The following JKAMP variants were observed in gnomAD, a reference collection of about 807,000 sequenced individuals.
JKAMP encodes JNK1/MAPK8-associated membrane protein.
JKAMP carries 20 observed loss-of-function variants against 40.2 expected under a neutral mutation model. The ratio of observed to expected loss-of-function variants is 0.50; its 90% CI spans 0.35 to 0.72. The LOEUF is 0.72. Among genes scored for constraint, JKAMP ranks in the 30% least tolerant of loss-of-function variants. The pLI, the probability that JKAMP is intolerant of heterozygous loss-of-function variation, is 0.01. For synonymous variants in JKAMP, 138 were observed against 131.6 expected (o/e 1.05, Z -0.33); for missense variants, 276 against 373.0 (o/e 0.74, Z 2.14).
chr14:59,489,105 G>A (rs1227063840), intron 3 of JKAMP, among the ~76,000 whole-genome samples: 1 of 152,220 alleles, frequency 6.6e-6, no homozygotes, highest in Non-Finnish European at 1.5e-5. Flanking sequence ...CAGCCTGGTT[G>A]AATTCCTCTC....
At chr14:59,503,649 C>T (rs190950111) in intron 6 of JKAMP, among the ~76,000 whole-genome samples, 1 of 152,264 alleles carries the variant, frequency 6.6e-6, no homozygotes, top group African/African-American at 2.4e-5. Context: ...CTACTGAGTG[C>T]TTATATGACC....
At chr14:59,495,353 C>T in intron 4 of JKAMP, 129 bp downstream of exon 4, 3 of 637,474 alleles carry the variant, frequency 4.7e-6, no homozygotes, top group Non-Finnish European at 8.3e-6. Context: ...GGCTTTATTA[C>T]CTTGAACATG....
chr14:59,492,291 T>C (rs1270807585), intron 3 of JKAMP, among the ~76,000 whole-genome samples: 1 of 151,934 alleles, frequency 6.6e-6, no homozygotes, highest in African/African-American at 2.4e-5. Flanking sequence ...CAGTTGAAGA[T>C]AGAATTAGTG....
intron 5 of JKAMP, among the ~76,000 whole-genome samples, chr14:59,499,330 T>C (rs1369446196): frequency 6.6e-6 from 1 of 152,166 alleles, no homozygotes; most frequent in African/African-American, 2.4e-5. Flanking sequence ...AATCTAAGTA[T>C]GTAATAAGAA....
At chr14:59,487,535 C>T in intron 2 of JKAMP, 139 bp from the exon 3 acceptor site, 2 of 608,638 alleles carry the variant, frequency 3.3e-6, no homozygotes, top group Non-Finnish European at 5.7e-6. Flanking sequence ...TTACTTATGC[C>T]CTCTTTTTTA....
chr14:59,496,744 C>T (rs1380829140), intron 4 of JKAMP, among the ~76,000 whole-genome samples: 1 of 152,174 alleles, frequency 6.6e-6, no homozygotes, highest in Non-Finnish European at 1.5e-5. Context: ...TTTGTCTATT[C>T]ACTATCCCTG....
chr14:59,485,012 G>A, intron 1 of JKAMP: 1 of 1,597,134 alleles, frequency 6.3e-7, no homozygotes, highest in East Asian at 2.2e-5. Flanking sequence ...CGTCACAAAG[G>A]GCAGGACCGC....
At chr14:59,501,020 C>T in intron 5 of JKAMP, 171 bp from the exon 6 acceptor site, 1 of 560,498 alleles carries the variant, frequency 1.8e-6, no homozygotes, top group Non-Finnish European at 3.1e-6. Flanking sequence ...ACTATCTTGC[C>T]CTTTCCAGAA....
intron 3 of JKAMP, among the ~76,000 whole-genome samples, chr14:59,493,325 C>T (rs1891177341): frequency 6.6e-6 from 1 of 152,184 alleles, no homozygotes; most frequent in Non-Finnish European, 1.5e-5. Context: ...CAGCTAACAG[C>T]CAGCACTTAC....
At chr14:59,495,320 G>A (rs1172247434) in intron 4 of JKAMP, 96 bp downstream of exon 4, 2 of 907,922 alleles carry the variant, frequency 2.2e-6, no homozygotes, top group East Asian at 2.6e-5. Context: ...ACAGGTGTGG[G>A]TTTGAGTTCT....
chr14:59,487,907 A>T, intron 3 of JKAMP, 79 bp downstream of exon 3: 1 of 1,276,900 alleles, frequency 7.8e-7, no homozygotes, highest in Non-Finnish European at 1.1e-6. Flanking sequence ...TTAAGTAATT[A>T]TGCTTCTTCT....
At chr14:59,502,773 T>TTGTTTTTTTTTTTTTTTTTTTTTTTTTTG (rs796697193) in intron 6 of JKAMP, among the ~76,000 whole-genome samples, 5 of 102,836 alleles carry the variant, frequency 4.9e-5, no homozygotes, top group Non-Finnish European at 5.5e-5. Context: ...TTTTTTTTTT[T>TTGTTTTTTTTTTTTTTTTTTTTTTTTTTG]CGGAGTCTCA....
At position 59,504,124 on chromosome 14, in the gene JKAMP, T is replaced by G; in HGVS notation, c.*52T>G. 1 of 1,062,266 alleles carries G rather than the reference T, an allele frequency of 9.4e-7. No homozygotes were observed. The highest frequency in any genetic ancestry group is 1.4e-6 in the Non-Finnish European group (1 of 690,664). 65.8% of individuals were successfully genotyped at this position (1,062,266 alleles called of 1,614,324 possible). On this transcript the variant is annotated 3_prime_UTR_variant, in exon 7 of 7. Transcript: ENST00000616435. ...CTGAGAAGTGCTCCTAATAAAAAAGTAAATCAATCTTAACAGTGTATGAGA... is the reference window on the plus strand; with the variant it reads ...CTGAGAAGTGCTCCTAATAAAAAAGGAAATCAATCTTAACAGTGTATGAGA...
chr14:59,484,802 C>T (rs1247151399), intron 1 of JKAMP: 1 of 916,592 alleles, frequency 1.1e-6, no homozygotes, highest in African/African-American at 1.7e-5. Flanking sequence ...GGCGCGCTGT[C>T]TGCGGCGAAA....
chr14:59,499,579 C>T (rs1048574325), intron 5 of JKAMP, among the ~76,000 whole-genome samples: 1 of 152,040 alleles, frequency 6.6e-6, no homozygotes, highest in African/African-American at 2.4e-5. Flanking sequence ...CACTTACTAC[C>T]AGGAGATAAA....
chr14:59,493,955 G>A (rs2139883929), intron 3 of JKAMP, among the ~76,000 whole-genome samples: 1 of 152,250 alleles, frequency 6.6e-6, no homozygotes, highest in East Asian at 1.9e-4. Flanking sequence ...AGGTAGGGGT[G>A]GGAAGGAGTA....
intron 1 of JKAMP, 39 bp from the exon 2 acceptor site, chr14:59,486,674 A>G: frequency 1.5e-6 from 2 of 1,368,786 alleles, no homozygotes; most frequent in Non-Finnish European, 2.0e-6. Context: ...TTTTATAATC[A>G]CAAAAGATGT....
intron 3 of JKAMP, among the ~76,000 whole-genome samples, chr14:59,494,715 C>G (rs1416198115): frequency 6.6e-6 from 1 of 152,126 alleles, no homozygotes; most frequent in Non-Finnish European, 1.5e-5. Context: ...AAACACGTTA[C>G]ATACCATCTT....
Position 59,484,549 on chromosome 14 carries a change from C to A in JKAMP, c.-41C>A, listed in dbSNP as rs765748835. On this transcript the variant is annotated 5_prime_UTR_variant, in exon 1 of 7. Transcript: ENST00000616435. ...GGATGTTCGGTGCAGCTGCCAGATCCGCTGATCTAGTGCTTCTCGAAAAAA... is the reference window on the plus strand; with the variant it reads ...GGATGTTCGGTGCAGCTGCCAGATCAGCTGATCTAGTGCTTCTCGAAAAAA... 4.5e-6 allele frequency: 7 copies of A among 1,564,714 alleles called. No individual in the cohort carries two copies. The highest frequency in any genetic ancestry group is 6.1e-6 in the Non-Finnish European group (7 of 1,154,672).
Sources: gnomAD v4.1 joint callset for allele counts (sites outside exome capture counted in the v4.1 genomes callset) on GRCh38, gnomAD v4.1.1 for gene constraint, MANE v1.5 for transcripts, NCBI Gene and HGNC (gene_info 2026-07-23, HGNC 2026-07-21) for gene names.